ESCO1: variants seen among roughly 807,000 people sequenced by gnomAD.
ESCO1 encodes N-acetyltransferase ESCO1.
ESCO1 carries 33 observed loss-of-function variants against 83.5 expected under a neutral mutation model. The ratio of observed to expected loss-of-function variants is 0.40; its 90% CI spans 0.30 to 0.53. The LOEUF (loss-of-function observed/expected upper bound fraction) is 0.53, where lower values mean the gene tolerates loss of function less well. ESCO1 is among the 20% of genes least tolerant of loss of function. The pLI is 0.63. For synonymous variants in ESCO1, 332 were observed against 324.3 expected (o/e 1.02, Z -0.25); for missense variants, 855 against 968.0 (o/e 0.88, Z 1.55).
chr18:21,564,457 C>A, intron 6 of ESCO1, 140 bp from the exon 7 acceptor site: 1 of 553,414 alleles, frequency 1.8e-6, no homozygotes, highest in Non-Finnish European at 3.1e-6. Context: ...GTGGCGCAAT[C>A]TTGGCTCACT....
intron 1 of ESCO1, among the ~76,000 whole-genome samples, chr18:21,585,198 T>C (rs1476877431): frequency 6.6e-6 from 1 of 151,260 alleles, no homozygotes. Flanking sequence ...TCTTATACCA[T>C]ATAATACAGT....
intron 7 of ESCO1, among the ~76,000 whole-genome samples, chr18:21,562,216 C>T (rs1001199996): frequency 1.3e-5 from 2 of 152,128 alleles, no homozygotes; most frequent in Non-Finnish European, 2.9e-5. Flanking sequence ...TCTGGGGGGC[C>T]ACCTGAGGTG....
chr18:21,532,337 T>C (rs2037777880), intron 11 of ESCO1, 136 bp downstream of exon 11: 1 of 916,142 alleles, frequency 1.1e-6, no homozygotes, highest in Non-Finnish European at 1.6e-6. Flanking sequence ...TCCAATACAC[T>C]GATAACCTCA....
At chr18:21,565,777 A>T (rs2038251453) in intron 6 of ESCO1, among the ~76,000 whole-genome samples, 1 of 152,098 alleles carries the variant, frequency 6.6e-6, no homozygotes, top group Admixed American at 6.6e-5. Flanking sequence ...TCTCTAAAAA[A>T]AGAATTTTTT....
intron 1 of ESCO1, among the ~76,000 whole-genome samples, chr18:21,590,871 G>A (rs568306077): frequency 6.6e-6 from 1 of 151,936 alleles, no homozygotes; most frequent in South Asian, 2.1e-4. Context: ...CTTGAACCCA[G>A]GAGGCAGAGG....
intron 8 of ESCO1, among the ~76,000 whole-genome samples, chr18:21,558,881 A>G (rs1006282673): frequency 1.3e-5 from 2 of 152,160 alleles, no homozygotes; most frequent in African/African-American, 4.8e-5. Context: ...GACTTCTTCT[A>G]TATACTTCTC....
At chr18:21,585,977 G>A (rs574079427) in intron 1 of ESCO1, among the ~76,000 whole-genome samples, 2 of 152,180 alleles carry the variant, frequency 1.3e-5, no homozygotes, top group East Asian at 1.9e-4. Context: ...ATACAACCAC[G>A]TAATAATCAA....
At chr18:21,562,300 A>G (rs1163589236) in intron 7 of ESCO1, among the ~76,000 whole-genome samples, 3 of 139,432 alleles carry the variant, frequency 2.2e-5, no homozygotes, top group African/African-American at 8.1e-5. Flanking sequence ...ACATGGTGAA[A>G]CCCCATCTCT....
intron 1 of ESCO1, among the ~76,000 whole-genome samples, chr18:21,587,919 C>A (rs1234410354): frequency 6.6e-6 from 1 of 151,748 alleles, no homozygotes; most frequent in African/African-American, 2.4e-5. Context: ...AAACAAACAA[C>A]AACAAAATAA....
In ESCO1 at chr18:21,532,644, T is replaced by C. The variant is rs1324776446; in HGVS notation, c.2204A>G (p.Glu735Gly). 6.2e-7 allele frequency: 1 copy of C among 1,613,960 alleles called. No individual in the cohort carries two copies. The change falls in exon 11 of 12, where the codon GAA becomes GGA. Residue 735 changes from glutamate to glycine, a missense_variant. Coordinates refer to ENST00000269214, the MANE Select transcript of ESCO1 (RefSeq NM_052911.3). Reference protein sequence around the residue: ...EHIQWGYRVIEEKLPVIRSEE... With the variant: ...EHIQWGYRVIGEKLPVIRSEE... ...TGACCTGATAACTGGAAGTTTCTCT[T>C]CTATAACTCTGTAGCCCTACAGGTG...
chr18:21,566,729 G>A (rs1437516820), intron 5 of ESCO1, among the ~76,000 whole-genome samples: 1 of 151,950 alleles, frequency 6.6e-6, no homozygotes, highest in Non-Finnish European at 1.5e-5. Context: ...GTGTGGTGAT[G>A]TGTGCCTGTA....
intron 1 of ESCO1, among the ~76,000 whole-genome samples, chr18:21,585,012 G>A (rs1031586741): frequency 6.6e-6 from 1 of 151,702 alleles, no homozygotes; most frequent in Non-Finnish European, 1.5e-5. Context: ...TGTGGTGGCG[G>A]GTGCCTGTAA....
intron 8 of ESCO1, among the ~76,000 whole-genome samples, chr18:21,544,146 C>T (rs934539233): frequency 2.6e-5 from 4 of 151,852 alleles, no homozygotes; most frequent in African/African-American, 7.3e-5. Context: ...TGGTGGTGCA[C>T]GCCTGTAGTC....
At chr18:21,545,081 G>A (rs900239307) in intron 8 of ESCO1, among the ~76,000 whole-genome samples, 1 of 152,144 alleles carries the variant, frequency 6.6e-6, no homozygotes, top group African/African-American at 2.4e-5. Context: ...TTATTAAGCT[G>A]TGTACTCGCT....
At chr18:21,566,582 G>A (rs1447334843) in intron 5 of ESCO1, among the ~76,000 whole-genome samples, 1 of 152,230 alleles carries the variant, frequency 6.6e-6, no homozygotes, top group South Asian at 2.1e-4. Context: ...AAAAGACGCC[G>A]GGCATGGTGG....
At position 21,530,505 on chromosome 18, in the gene ESCO1, T is replaced by C; in HGVS notation, c.2376-15A>G. ...TAAAGTTACTCCTATTAAAAAAAAA[T>C]GGGGGGGGGGAAGGGTTAAGTGTGA... On this transcript the variant is annotated splice_polypyrimidine_tract_variant and intron_variant, in intron 11 of 11. Transcript: ENST00000269214. 1.7e-6 allele frequency: 2 copies of C among 1,148,930 alleles called. No individual in the cohort carries two copies. Among genetic ancestry groups the C allele is most frequent in the Non-Finnish European group, 2.3e-6 (2 of 852,912 alleles). The allele number at this position is 1,148,930 out of a possible 1,614,324, so 71.2% of individuals were successfully genotyped here.
intron 11 of ESCO1, among the ~76,000 whole-genome samples, chr18:21,530,967 C>G (rs1305734814): frequency 6.6e-6 from 1 of 152,092 alleles, no homozygotes; most frequent in African/African-American, 2.4e-5. Flanking sequence ...GATGAAAAGG[C>G]CTTGTTTATA....
rs190772279 is a variant in ESCO1, at chr18:21,565,728, G to A, written c.1706+418C>T. 7.7e-4 allele frequency among the ~76,000 whole-genome samples: 117 copies of A among 152,286 alleles called. 1 individual carries two copies. Among genetic ancestry groups the A allele is most frequent in the Middle Eastern group, 3.4e-3 (1 of 294 alleles). On this transcript the variant is annotated intron_variant, in intron 6 of 11. Transcript: ENST00000269214. The stretch of plus-strand genomic sequence containing the variant: ...GAGGTGGGAGAATCACTTGAGGCCA[G>A]GAGTTCGAGACCAGCCTGAGCAGCA...
rs2146159911 is a variant in ESCO1 at position 21,529,752 on chromosome 18, A to C, written c.*591T>G. 6.6e-6 allele frequency: 1 copy of C among 152,350 alleles called. No homozygotes were observed. The highest frequency in any genetic ancestry group is 1.9e-4 in the East Asian group (1 of 5,192). The allele number at this position is 152,350 out of a possible 1,614,324, so 9.4% of individuals were successfully genotyped here. ...TAGGAAAGAGAAAAATCAGGAAAAA[A>C]AAGCTCAATATTCTAATTCTTCCTA... On this transcript the variant is annotated 3_prime_UTR_variant, in exon 12 of 12. Transcript: ENST00000269214.
Sources: gnomAD v4.1 joint callset for allele counts (sites outside exome capture counted in the v4.1 genomes callset) on GRCh38, gnomAD v4.1.1 for gene constraint, MANE v1.5 for transcripts, NCBI Gene and HGNC (gene_info 2026-07-23, HGNC 2026-07-21) for gene names.